TSHZ3: variants seen among roughly 807,000 people sequenced by gnomAD.
TSHZ3 encodes the protein teashirt zinc finger homeobox 3.
A neutral mutation model predicts 64.5 loss-of-function variants in TSHZ3; 10 were observed. The observed-to-expected ratio is 0.16, with a 90% confidence interval of 0.10 to 0.26. TSHZ3 has a LOEUF of 0.26. Ranked by LOEUF, TSHZ3 falls within the 10% of genes least tolerant of loss-of-function variation. TSHZ3 has a pLI of 1.00. For synonymous variants in TSHZ3, 608 were observed against 593.1 expected, an observed-to-expected ratio of 1.03 and a Z score of -0.36; for missense variants, 1,242 against 1,421.7, an observed-to-expected ratio of 0.87 and a Z score of 2.03.
intron 1 of TSHZ3, among the ~76,000 whole-genome samples, chr19:31,243,467 C>T (rs1372334124): frequency 6.6e-6 from 1 of 152,248 alleles, no homozygotes; most frequent in East Asian, 1.9e-4. Context: ...CAGGGTCCCA[C>T]TGTATCACAC....
chr19:31,176,026 T>G (rs2145120327), intron 5 of TSHZ3, among the ~76,000 whole-genome samples: 1 of 152,274 alleles, frequency 6.6e-6, no homozygotes, highest in Non-Finnish European at 1.5e-5. Flanking sequence ...GGGCTGCAAC[T>G]TGGGTCTGAG....
At chr19:31,183,373 C>G (rs981622065) in intron 5 of TSHZ3, among the ~76,000 whole-genome samples, 1 of 152,276 alleles carries the variant, frequency 6.6e-6, no homozygotes, top group South Asian at 2.1e-4. Context: ...TAGGTCTTCT[C>G]ATTTTCATGA....
intron 1 of TSHZ3, among the ~76,000 whole-genome samples, chr19:31,336,107 A>G (rs1446107176): frequency 6.6e-6 from 1 of 152,232 alleles, no homozygotes. Context: ...AATGGTGTGA[A>G]AATCAAGCAT....
rs186519057 is a variant in TSHZ3, at chr19:31,279,074, C to T, written c.719G>A (p.Arg240His). Residue 240 changes from arginine (R) to histidine (H), a missense_variant, in exon 2 of 2, where the codon CGC (arginine) becomes CAC (histidine). Physicochemically the swap from Arg to His is conservative, Grantham distance 29. Coordinates refer to ENST00000240587, the MANE Select transcript of TSHZ3 (RefSeq NM_020856.4). This position sits in a 1 kb window ranked among gnomAD's most constrained non-coding sequence, Gnocchi z 6.4. ...GTTATCGGTCTCATGGTTGTCGTCGCGGTAATGCCCCGTCTCGTTCATGTG... is the reference window on the plus strand; with the variant it reads ...GTTATCGGTCTCATGGTTGTCGTCGTGGTAATGCCCCGTCTCGTTCATGTG... The part of the protein sequence containing the change: ...TVHMNETGHY[R>H]DDNHETDNNN... 12 of 1,614,036 alleles carry T rather than the reference C, an allele frequency of 7.4e-6. No individual in the cohort carries two copies. Among genetic ancestry groups the T allele is most frequent in the East Asian group, 6.7e-5 (3 of 44,872 alleles).
At chr19:31,189,727 T>A (rs1249902362) in intron 5 of TSHZ3, among the ~76,000 whole-genome samples, 4 of 152,118 alleles carry the variant, frequency 2.6e-5, no homozygotes, top group African/African-American at 9.7e-5. Flanking sequence ...TGTCACATTC[T>A]GTAAATGTCA....
chr19:31,294,158 G>T (rs1976623766), intron 1 of TSHZ3, among the ~76,000 whole-genome samples: 1 of 152,172 alleles, frequency 6.6e-6, no homozygotes, highest in South Asian at 2.1e-4. Flanking sequence ...TCTGCACTGA[G>T]CACCTGCATG....
At chr19:31,311,500 G>A (rs1916458868) in intron 1 of TSHZ3, among the ~76,000 whole-genome samples, 1 of 152,170 alleles carries the variant, frequency 6.6e-6, no homozygotes. Flanking sequence ...CTTATGGGAA[G>A]GAGACGTCTT....
At chr19:31,342,475 G>A (rs1917467429) in intron 1 of TSHZ3, among the ~76,000 whole-genome samples, 1 of 152,192 alleles carries the variant, frequency 6.6e-6, no homozygotes, top group Admixed American at 6.5e-5. Context: ...AAAGGAGAAA[G>A]CACATGGGTG....
chr19:31,254,289 C>T (rs748443322), intron 1 of TSHZ3, among the ~76,000 whole-genome samples: 16 of 152,156 alleles, frequency 1.1e-4, no homozygotes, highest in Non-Finnish European at 2.2e-4. Flanking sequence ...CCCTGGGTAC[C>T]AGAGTGCTGT....
chr19:31,229,092 G>A (rs1975507520), intron 3 of TSHZ3, among the ~76,000 whole-genome samples: 1 of 152,194 alleles, frequency 6.6e-6, no homozygotes, highest in African/African-American at 2.4e-5. Context: ...GTGCATGCAT[G>A]TTCCTGAAAG....
intron 1 of TSHZ3, among the ~76,000 whole-genome samples, chr19:31,258,579 T>TC (rs776906141): frequency 6.9e-4 from 105 of 152,290 alleles, no homozygotes; most frequent in Non-Finnish European, 1.3e-3. Context: ...ATGGTCTGTC[T>TC]CCCCCACTGA....
At chr19:31,247,021 G>A (rs1277475111) in intron 1 of TSHZ3, among the ~76,000 whole-genome samples, 1 of 151,988 alleles carries the variant, frequency 6.6e-6, no homozygotes, top group African/African-American at 2.4e-5. Flanking sequence ...CAGTTACATG[G>A]ATATAAATAA....
chr19:31,253,729 T>C (rs1318696372), intron 1 of TSHZ3, among the ~76,000 whole-genome samples: 1 of 152,076 alleles, frequency 6.6e-6, no homozygotes, highest in African/African-American at 2.4e-5. Context: ...TGTGCACATA[T>C]AAGCATGGAA....
downstream of TSHZ3, among the ~76,000 whole-genome samples, chr19:31,271,083 T>A (rs535744456): frequency 6.6e-6 from 1 of 152,126 alleles, no homozygotes; most frequent in Non-Finnish European, 1.5e-5. Context: ...GTACCAAGAC[T>A]GAGTCATCAT....
chr19:31,344,584 C>T (rs948115045), intron 1 of TSHZ3, among the ~76,000 whole-genome samples: 1 of 152,290 alleles, frequency 6.6e-6, no homozygotes, highest in Middle Eastern at 3.4e-3. Context: ...CTCTCTGCCT[C>T]CCCGCGGGCC....
intron 1 of TSHZ3, among the ~76,000 whole-genome samples, chr19:31,320,304 C>T (rs558363826): frequency 1.5e-3 from 228 of 152,248 alleles, no homozygotes; most frequent in African/African-American, 2.5e-3. Context: ...GTAGAAAAGA[C>T]GGATCCTGGA....
intron 1 of TSHZ3, among the ~76,000 whole-genome samples, chr19:31,254,596 ACC>A (rs1469244824): frequency 3.9e-5 from 6 of 152,144 alleles, no homozygotes; most frequent in Admixed American, 3.9e-4. Flanking sequence ...GTAAACAGAT[ACC>A]GTTCAATGCG....
intron 1 of TSHZ3, among the ~76,000 whole-genome samples, chr19:31,315,819 A>C (rs1023387013): frequency 6.6e-6 from 1 of 152,170 alleles, no homozygotes; most frequent in Non-Finnish European, 1.5e-5. Context: ...ACCATATCCA[A>C]TTATTCTCTG....
chr19:31,249,414 G>T (rs1391577448), intron 1 of TSHZ3, among the ~76,000 whole-genome samples: 1 of 152,072 alleles, frequency 6.6e-6, no homozygotes, highest in Admixed American at 6.5e-5. Flanking sequence ...GCACTAGAGG[G>T]CAGGCCAGCA....
Sources: allele counts gnomAD v4.1 joint callset (sites outside exome capture counted in the v4.1 genomes callset), GRCh38; gene constraint gnomAD v4.1.1; non-coding constraint Gnocchi (gnomAD v3.1); transcripts MANE v1.5; gene names NCBI Gene and HGNC (gene_info 2026-07-23, HGNC 2026-07-21).